Variants in GRM5 observed in about 807,000 individuals in gnomAD.
GRM5 encodes the protein metabotropic glutamate receptor 5.
GRM5 carries 19 observed loss-of-function variants against 83.1 expected under a neutral mutation model. That is an observed-to-expected ratio of 0.23 (90% CI 0.16 to 0.34). GRM5 has a LOEUF of 0.34. Among genes scored for constraint, GRM5 ranks in the 10% least tolerant of loss-of-function variants. The pLI, the probability that GRM5 is intolerant of heterozygous loss-of-function variation, is 1.00. For missense variants in GRM5, 1,160 were observed against 1,588.3 expected, an observed-to-expected ratio of 0.73 and a Z score of 4.58; for synonymous variants, 675 against 633.6, an observed-to-expected ratio of 1.07 and a Z score of -0.98.
At chr11:88,631,121 T>A (rs147105679) in intron 4 of GRM5, among the ~76,000 whole-genome samples, 226 of 152,254 alleles carry the variant, frequency 1.5e-3, no homozygotes, top group African/African-American at 5.1e-3. Context: ...TCCCACATAG[T>A]TGTCATGGTG....
At chr11:89,041,109 T>C (rs1046561965) in intron 2 of GRM5, among the ~76,000 whole-genome samples, 1 of 151,882 alleles carries the variant, frequency 6.6e-6, no homozygotes, top group African/African-American at 2.4e-5. Context: ...GGAATAAGAG[T>C]GACCAAGGGA....
intron 5 of GRM5, among the ~76,000 whole-genome samples, chr11:88,600,437 C>T (rs1258936951): frequency 1.3e-5 from 2 of 151,772 alleles, no homozygotes; most frequent in Non-Finnish European, 2.9e-5. Flanking sequence ...TCTTTAATAC[C>T]TGTCCCTTCC....
At chr11:88,750,196 TCA>T (rs1390173393) in intron 3 of GRM5, among the ~76,000 whole-genome samples, 1 of 152,002 alleles carries the variant, frequency 6.6e-6, no homozygotes, top group Non-Finnish European at 1.5e-5. Flanking sequence ...GAGACCCATC[TCA>T]CATGCAAAGA....
intron 2 of GRM5, among the ~76,000 whole-genome samples, chr11:88,867,426 A>G (rs1253618203): frequency 1.3e-5 from 2 of 151,798 alleles, no homozygotes; most frequent in Non-Finnish European, 2.9e-5. Context: ...AGACTATACC[A>G]TACATAGGCT....
At chr11:88,597,163 G>C in intron 6 of GRM5, 21 bp downstream of exon 6, 1 of 1,469,526 alleles carries the variant, frequency 6.8e-7, no homozygotes, top group Non-Finnish European at 9.1e-7. Flanking sequence ...AAAAATGAAA[G>C]AAACATAGAT....
At chr11:89,039,574 A>C (rs572842377) in intron 2 of GRM5, among the ~76,000 whole-genome samples, 1 of 152,200 alleles carries the variant, frequency 6.6e-6, no homozygotes, top group African/African-American at 2.4e-5. Context: ...ATACTTTGTT[A>C]CTCTTGTATT....
intron 2 of GRM5, among the ~76,000 whole-genome samples, chr11:88,856,406 C>T (rs2135546838): frequency 6.6e-6 from 1 of 152,166 alleles, no homozygotes; most frequent in East Asian, 1.9e-4. Context: ...CTTTCACGTC[C>T]ACTTCCACAT....
At chr11:89,006,543 C>T (rs1341805275) in intron 2 of GRM5, among the ~76,000 whole-genome samples, 1 of 152,100 alleles carries the variant, frequency 6.6e-6, no homozygotes, top group Non-Finnish European at 1.5e-5. Context: ...TCCCATTGCT[C>T]CTAAAACCAA....
intron 2 of GRM5, among the ~76,000 whole-genome samples, chr11:88,905,119 A>G (rs532929518): frequency 6.6e-6 from 1 of 152,272 alleles, no homozygotes; most frequent in Non-Finnish European, 1.5e-5. Flanking sequence ...TCTTTCAGAA[A>G]CTTTGTAAGT....
intron 4 of GRM5, among the ~76,000 whole-genome samples, chr11:88,609,109 T>C (rs1938246805): frequency 6.6e-6 from 1 of 152,184 alleles, no homozygotes; most frequent in Non-Finnish European, 1.5e-5. Flanking sequence ...GTGACCATAG[T>C]TCCTGATAGG....
At chr11:88,817,298 G>T (rs778518728) in intron 3 of GRM5, among the ~76,000 whole-genome samples, 1 of 151,864 alleles carries the variant, frequency 6.6e-6, no homozygotes, top group Non-Finnish European at 1.5e-5. Context: ...ATGCTCTTTT[G>T]ATTTAGGAAA....
intron 4 of GRM5, among the ~76,000 whole-genome samples, chr11:88,630,274 T>G (rs1414600586): frequency 6.6e-6 from 1 of 152,148 alleles, no homozygotes; most frequent in Non-Finnish European, 1.5e-5. Context: ...GGAATGTATG[T>G]TCCACGAAGG....
At chr11:88,540,001 T>C (rs933803151) in intron 8 of GRM5, among the ~76,000 whole-genome samples, 1 of 152,190 alleles carries the variant, frequency 6.6e-6, no homozygotes, top group African/African-American at 2.4e-5. Flanking sequence ...GTCTGTTCTT[T>C]TAACAAGCAT....
intron 7 of GRM5, among the ~76,000 whole-genome samples, chr11:88,581,558 G>A (rs1329253153): frequency 6.6e-6 from 1 of 152,188 alleles, no homozygotes; most frequent in Non-Finnish European, 1.5e-5. Context: ...ATTCTCAGCT[G>A]TACTTTGTTA....
intron 3 of GRM5, among the ~76,000 whole-genome samples, chr11:88,724,390 C>T (rs1273159740): frequency 9.3e-6 from 1 of 107,334 alleles, no homozygotes; most frequent in African/African-American, 3.5e-5. Context: ...CTTCCCAATA[C>T]TCCATATACT....
At chr11:88,898,747 T>A (rs906666) in intron 2 of GRM5, among the ~76,000 whole-genome samples, 2 of 151,882 alleles carry the variant, frequency 1.3e-5, no homozygotes, top group African/African-American at 4.8e-5. Flanking sequence ...ATGATGTATT[T>A]TTCTTTCCAT....
At chr11:89,065,333 GAC>G in intron 1 of GRM5, among the ~76,000 whole-genome samples, 1 of 150,536 alleles carries the variant, frequency 6.6e-6, no homozygotes, top group East Asian at 2.0e-4. Context: ...GAGAGAGAGA[GAC>G]AGACACACAG....
At chr11:88,689,820 G>A (rs1043714481) in intron 3 of GRM5, among the ~76,000 whole-genome samples, 1 of 152,176 alleles carries the variant, frequency 6.6e-6, no homozygotes, top group East Asian at 1.9e-4. Context: ...GGAGCATAGC[G>A]ATACGAATAA....
At chr11:88,746,178 C>G (rs896159524) in intron 3 of GRM5, among the ~76,000 whole-genome samples, 5 of 152,214 alleles carry the variant, frequency 3.3e-5, no homozygotes, top group Admixed American at 6.6e-5. Flanking sequence ...GCCCAACAAA[C>G]AGCTTAACTC....
Sources: gnomAD v4.1 joint callset for allele counts (sites outside exome capture counted in the v4.1 genomes callset) on GRCh38, gnomAD v4.1.1 for gene constraint, MANE v1.5 for transcripts, NCBI Gene and HGNC (gene_info 2026-07-23, HGNC 2026-07-21) for gene names.